Variants in GNAT3 observed in about 807,000 individuals in gnomAD.
The protein encoded by GNAT3 is guanine nucleotide-binding protein G(t) subunit alpha-3.
GNAT3 carries 31 observed loss-of-function variants against 37.7 expected under a neutral mutation model. That is an observed-to-expected ratio of 0.82 (90% CI 0.62 to 1.11). GNAT3 has a LOEUF of 1.11. Ranked by LOEUF, GNAT3 falls within the 50% of genes most tolerant of loss-of-function variation. The pLI, the probability that GNAT3 is intolerant of heterozygous loss-of-function variation, is 0.00. For missense variants in GNAT3, 437 were observed against 412.5 expected (o/e 1.06, Z -0.51); for synonymous variants, 138 against 139.8 (o/e 0.99, Z 0.09).
intron 7 of GNAT3, among the ~76,000 whole-genome samples, chr7:80,460,641 G>C (rs1328089517): frequency 6.6e-6 from 1 of 152,100 alleles, no homozygotes; most frequent in South Asian, 2.1e-4. Flanking sequence ...CCAGCTACTC[G>C]GGAGGCCAAG....
At chr7:80,501,880 A>T (rs1368817500) in intron 1 of GNAT3, among the ~76,000 whole-genome samples, 1 of 152,074 alleles carries the variant, frequency 6.6e-6, no homozygotes, top group African/African-American at 2.4e-5. Context: ...TACAGAAAAA[A>T]TAAGCATCAT....
chr7:80,460,665 T>C (rs1489370676), intron 7 of GNAT3, among the ~76,000 whole-genome samples: 2 of 151,984 alleles, frequency 1.3e-5, no homozygotes, highest in Admixed American at 6.6e-5. Context: ...GAAGAATAGC[T>C]TGAGCCCAGG....
rs571029646 is a variant in GNAT3, at chr7:80,462,145, GA to G, written c.874+13del. On this transcript the variant is annotated intron_variant, in intron 7 of 7. Transcript: ENST00000398291. ...AAAATTTATTTCTATGGAACTAAAAGAAAAAAATCTTACCAGTGTATTCTGG... is the reference window on the plus strand; with the variant it reads ...AAAATTTATTTCTATGGAACTAAAAGAAAAAATCTTACCAGTGTATTCTGG... 2.6e-6 allele frequency: 4 copies of G among 1,509,734 alleles called. No individual in the cohort carries two copies. In the South Asian group the frequency reaches 5.1e-5, roughly 19 times the overall value. The allele number at this position is 1,509,734 out of a possible 1,614,324, so 93.5% of individuals were successfully genotyped here. A position where few individuals can be genotyped will look rare whatever the true frequency, so the allele number is the denominator to read the frequency against.
chr7:80,490,047 G>C (rs1166131638), intron 2 of GNAT3, among the ~76,000 whole-genome samples: 2 of 152,110 alleles, frequency 1.3e-5, no homozygotes, highest in Non-Finnish European at 2.9e-5. Context: ...ATTTCAGTGA[G>C]ATAGAGCACT....
At chr7:80,479,096 C>G (rs1041966093) in intron 3 of GNAT3, 98 bp from the exon 4 acceptor site, 93 of 860,568 alleles carry the variant, frequency 1.1e-4, no homozygotes, top group Non-Finnish European at 2.6e-5. Flanking sequence ...TAATCTTATT[C>G]TTTTAGCTAA....
At chr7:80,496,673 T>C (rs1323690210) in intron 1 of GNAT3, among the ~76,000 whole-genome samples, 2 of 152,238 alleles carry the variant, frequency 1.3e-5, no homozygotes, top group Non-Finnish European at 2.9e-5. Context: ...CCTAACTCAG[T>C]AGAATCTCAA....
At chr7:80,469,051 G>T (rs1379602413) in intron 5 of GNAT3, among the ~76,000 whole-genome samples, 1 of 152,008 alleles carries the variant, frequency 6.6e-6, no homozygotes. Flanking sequence ...TAAAGACTAG[G>T]AAAGCCAAAT....
intron 1 of GNAT3, among the ~76,000 whole-genome samples, chr7:80,503,484 T>C (rs1371839955): frequency 3.3e-5 from 5 of 152,236 alleles, no homozygotes; most frequent in African/African-American, 1.2e-4. Flanking sequence ...ATGAAAGTAA[T>C]ATCTATTTCA....
chr7:80,468,003 C>A lies in GNAT3; in HGVS notation c.591-5372G>T, dbSNP rs150556136. On this transcript the variant is annotated intron_variant, in intron 5 of 7. Coordinates refer to ENST00000398291, the MANE Select transcript of GNAT3 (RefSeq NM_001102386.3). ...GTTATTAAGTCTGACACTTGATGGA[C>A]TTCTTAAAGTTAAAAAATTTAAATA... 3.6e-3 allele frequency among the ~76,000 whole-genome samples: 547 copies of A among 151,610 alleles called. 11 individuals are homozygous for A. In the East Asian group the frequency reaches 0.058, roughly 16 times the overall value.
rs577166159 is a variant in GNAT3, at chr7:80,458,896, A to C, written c.875-35T>G. ...CAAAATATTTGAAGAAGTAAAGATTAATCATATGTTACAAAGAATAGGCTA... is the reference window on the plus strand; with the variant it reads ...CAAAATATTTGAAGAAGTAAAGATTCATCATATGTTACAAAGAATAGGCTA... On this transcript the variant is annotated intron_variant, in intron 7 of 7. Coordinates refer to ENST00000398291, the MANE Select transcript of GNAT3 (RefSeq NM_001102386.3). 19 of 1,353,530 alleles carry C rather than the reference A, an allele frequency of 1.4e-5. No individual in the cohort carries two copies. The South Asian group carries it at 1.8e-4, about 13-fold the overall frequency. The allele number at this position is 1,353,530 out of a possible 1,614,324, so 83.8% of individuals were successfully genotyped here.
At chr7:80,488,190 C>A (rs1790524630) in intron 3 of GNAT3, among the ~76,000 whole-genome samples, 1 of 151,910 alleles carries the variant, frequency 6.6e-6, no homozygotes, top group Non-Finnish European at 1.5e-5. Flanking sequence ...AATGGCATAA[C>A]TAAAAAAATT....
intron 1 of GNAT3, among the ~76,000 whole-genome samples, chr7:80,497,573 C>CAT (rs932278423): frequency 7.3e-6 from 1 of 137,370 alleles, no homozygotes; most frequent in African/African-American, 2.8e-5. Flanking sequence ...TACGTATATA[C>CAT]ATATACGTAT....
At chr7:80,504,985 G>A (rs2116229082) in intron 1 of GNAT3, among the ~76,000 whole-genome samples, 1 of 152,304 alleles carries the variant, frequency 6.6e-6, no homozygotes, top group African/African-American at 2.4e-5. Context: ...CCAGGAGACT[G>A]AAAATGATAC....
At chr7:80,465,479 C>T (rs1790115228) in intron 5 of GNAT3, among the ~76,000 whole-genome samples, 1 of 152,084 alleles carries the variant, frequency 6.6e-6, no homozygotes. Context: ...AAGCAAATTG[C>T]CTAAGAATTA....
chr7:80,491,058 G>T (rs937062210), intron 2 of GNAT3, among the ~76,000 whole-genome samples: 1 of 152,112 alleles, frequency 6.6e-6, no homozygotes, highest in Non-Finnish European at 1.5e-5. Context: ...GCTTTAAATG[G>T]ATCAGTTCAT....
Position 80,462,016 on chromosome 7 carries a change from T to G in GNAT3, c.874+143A>C. ...GAGGGTTCTTCTTTATTTGTAAGAT[T>G]TTTTTTCCAGTTTGGATCATAAAGA... On this transcript the variant is annotated intron_variant, in intron 7 of 7. Coordinates refer to ENST00000398291, the MANE Select transcript of GNAT3 (RefSeq NM_001102386.3). 8.2e-6 allele frequency: 5 copies of G among 612,132 alleles called. No individual in the cohort carries two copies. The South Asian group carries it at 1.2e-4, about 14-fold the overall frequency. The allele number at this position is 612,132 out of a possible 1,614,324, so 37.9% of individuals were successfully genotyped here.
In GNAT3 at chr7:80,466,787, A is replaced by G. The variant is rs1008576694; in HGVS notation, c.591-4156T>C. Reference sequence around the variant, plus strand: ...CAGCAAACTCAATGGCTATGTCTTAATTTGCTCTGATGAGTCAGCTTCTTT... The same window carrying G: ...CAGCAAACTCAATGGCTATGTCTTAGTTTGCTCTGATGAGTCAGCTTCTTT... On this transcript the variant is annotated intron_variant, in intron 5 of 7. Coordinates refer to ENST00000398291, the MANE Select transcript of GNAT3 (RefSeq NM_001102386.3). Among the ~76,000 whole-genome samples, 3 of 152,154 alleles carry G rather than the reference A, an allele frequency of 2.0e-5. No individual in the cohort carries two copies. In the East Asian group the frequency reaches 5.8e-4, roughly 29 times the overall value.
chr7:80,493,688 TTCC>T (rs1271557890), intron 2 of GNAT3, among the ~76,000 whole-genome samples: 5 of 114,040 alleles, frequency 4.4e-5, no homozygotes, highest in Non-Finnish European at 7.1e-5. Context: ...CTCCTCCTCT[TTCC>T]TCCTCCTCCT....
intron 1 of GNAT3, among the ~76,000 whole-genome samples, chr7:80,500,093 G>T (rs1790805365): frequency 6.6e-6 from 1 of 152,002 alleles, no homozygotes; most frequent in South Asian, 2.1e-4. Flanking sequence ...TTTCCGAAAT[G>T]CAGTACTGAA....
Sources: allele counts gnomAD v4.1 joint callset (sites outside exome capture counted in the v4.1 genomes callset), GRCh38; gene constraint gnomAD v4.1.1; transcripts MANE v1.5; gene names NCBI Gene and HGNC (gene_info 2026-07-23, HGNC 2026-07-21).